The following PCYT1B variants were observed in gnomAD, a reference collection of about 807,000 sequenced individuals.
PCYT1B encodes phosphate cytidylyltransferase 1B, choline.
PCYT1B carries 10 observed loss-of-function variants against 26.4 expected under a neutral mutation model. The observed-to-expected ratio is 0.38, with a 90% CI of 0.23 to 0.64. The LOEUF (loss-of-function observed/expected upper bound fraction) is 0.64, where lower values mean the gene tolerates loss of function less well. PCYT1B is among the 30% of genes least tolerant of loss of function. The pLI is 0.56. For synonymous variants in PCYT1B, 131 were observed against 108.4 expected, an observed-to-expected ratio of 1.21 and a Z score of -1.29; for missense variants, 161 against 292.7, an observed-to-expected ratio of 0.55 and a Z score of 3.28.
At chrX:24,640,722 T>G (rs1317979000) in intron 1 of PCYT1B, among the ~76,000 whole-genome samples, 1 of 110,710 alleles carries the variant, frequency 9.0e-6, no homozygotes, top group South Asian at 3.8e-4. Flanking sequence ...CTGCCTCAAT[T>G]TCACTTCCAT....
chrX:24,598,509 A>T (rs1207570649), intron 3 of PCYT1B, among the ~76,000 whole-genome samples: 4 of 110,299 alleles, frequency 3.6e-5, no homozygotes, highest in Non-Finnish European at 7.6e-5. Flanking sequence ...ACACACACAC[A>T]CTCACACACA....
At chrX:24,602,449 G>T (rs758800143) in intron 3 of PCYT1B, among the ~76,000 whole-genome samples, 7 of 111,264 alleles carry the variant, frequency 6.3e-5, no homozygotes, top group Non-Finnish European at 1.1e-4. Context: ...CTATGAGTTT[G>T]GACAATGTAA....
chrX:24,663,772 G>A (rs2148281330), intron 1 of PCYT1B, among the ~76,000 whole-genome samples: 1 of 110,984 alleles, frequency 9.0e-6, no homozygotes, highest in Non-Finnish European at 1.9e-5. Context: ...ACAAAAACTA[G>A]CCACTGCGTG....
At chrX:24,632,721 G>A (rs1452406995) in intron 1 of PCYT1B, 1 of 112,122 alleles carries the variant, frequency 8.9e-6, no homozygotes, top group African/African-American at 3.3e-5. Flanking sequence ...TCATATGGAG[G>A]TAGAGAGTGG....
At chrX:24,621,874 GGT>G in intron 1 of PCYT1B, 1 of 722,074 alleles carries the variant, frequency 1.4e-6, no homozygotes, top group Non-Finnish European at 1.6e-6. Context: ...TGTTCTTGAT[GGT>G]GTGAAATCTG....
intron 1 of PCYT1B, among the ~76,000 whole-genome samples, chrX:24,639,551 C>T (rs1419380418): frequency 9.0e-6 from 1 of 111,433 alleles, no homozygotes; most frequent in Non-Finnish European, 1.9e-5. Flanking sequence ...TTCCACTTCT[C>T]CCTACCCACA....
At chrX:24,655,969 A>G (rs1459079595) in intron 1 of PCYT1B, among the ~76,000 whole-genome samples, 2 of 104,496 alleles carry the variant, frequency 1.9e-5, no homozygotes, top group African/African-American at 3.5e-5. Context: ...AATACAAAAA[A>G]AAAAAAAAAA....
intron 2 of PCYT1B, among the ~76,000 whole-genome samples, chrX:24,615,095 C>T (rs1390480911): frequency 8.9e-6 from 1 of 112,242 alleles, no homozygotes; most frequent in Non-Finnish European, 1.9e-5. Context: ...GCTGGGATTA[C>T]AGGCATGAGC....
chrX:24,596,115 A>G (rs765574956), intron 3 of PCYT1B, among the ~76,000 whole-genome samples: 41 of 112,076 alleles, frequency 3.7e-4, no homozygotes, highest in African/African-American at 1.3e-3. Context: ...AGGGAAAAAA[A>G]CACACTAGTA....
chrX:24,567,386 G>C (rs187449835), intron 7 of PCYT1B, among the ~76,000 whole-genome samples: 75 of 112,258 alleles, frequency 6.7e-4, no homozygotes, highest in African/African-American at 2.2e-3. Context: ...CATTTTGAAG[G>C]GTGGTTCCCT....
At chrX:24,577,215 T>A (rs1394733098) in intron 6 of PCYT1B, among the ~76,000 whole-genome samples, 1 of 111,382 alleles carries the variant, frequency 9.0e-6, no homozygotes, top group African/African-American at 3.3e-5. Flanking sequence ...CCTCTGAGGT[T>A]CCGTGATTTG....
At chrX:24,670,048 A>AAAAGAAAGAGAGAAAGAAAG (rs1927207322) in intron 1 of PCYT1B, among the ~76,000 whole-genome samples, 1 of 58,050 alleles carries the variant, frequency 1.7e-5, no homozygotes, top group African/African-American at 6.1e-5. Flanking sequence ...GTCTCAAAAA[A>AAAAGAAAGAGAGAAAGAAAG]AAAGAAAGAA....
intron 2 of PCYT1B, among the ~76,000 whole-genome samples, chrX:24,617,379 TTTTG>T (rs1223464795): frequency 9.4e-6 from 1 of 106,401 alleles, no homozygotes; most frequent in Non-Finnish European, 1.9e-5. Flanking sequence ...TTGTTTTTTT[TTTTG>T]TTTGTTTTCT....
chrX:24,560,887 T>G lies in PCYT1B; in HGVS notation c.*1406A>C, dbSNP rs747203972. 3 of 111,934 alleles carry G rather than the reference T, an allele frequency of 2.7e-5. No homozygotes were observed. The East Asian group carries it at 8.4e-4, about 31-fold the overall frequency. The allele number at this position is 111,934 out of a possible 1,213,427, so 9.2% of individuals were successfully genotyped here. On this transcript the variant is annotated 3_prime_UTR_variant, in exon 8 of 8. Coordinates refer to ENST00000379144, the MANE Select transcript of PCYT1B (RefSeq NM_004845.5). Reference sequence around the variant, plus strand: ...GGTTCTATGCCTTAACTCTCCCTGCTCATTTCGCACAGGTGACTAAGGAGC... The same window carrying G: ...GGTTCTATGCCTTAACTCTCCCTGCGCATTTCGCACAGGTGACTAAGGAGC...
chrX:24,665,044 A>G (rs1927099909), intron 1 of PCYT1B, among the ~76,000 whole-genome samples: 1 of 111,798 alleles, frequency 8.9e-6, no homozygotes, highest in African/African-American at 3.2e-5. Flanking sequence ...AAAAACACCT[A>G]GGATTCCATA....
intron 2 of PCYT1B, among the ~76,000 whole-genome samples, chrX:24,615,585 C>T (rs1236243790): frequency 9.1e-6 from 1 of 110,212 alleles, no homozygotes; most frequent in Non-Finnish European, 1.9e-5. Context: ...CTGCCTCAGC[C>T]TCCCAAGTAG....
rs1372978458 is a variant in PCYT1B, at chrX:24,561,579, GA to G, written c.*713del. ...ATTAAGGTAATTTCTGCAAAACAATGAAGTCAAACCAGTGATGAGAAAGTAC... is the reference window on the plus strand; with the variant it reads ...ATTAAGGTAATTTCTGCAAAACAATGAGTCAAACCAGTGATGAGAAAGTAC... On this transcript the variant is annotated 3_prime_UTR_variant, in exon 8 of 8. Coordinates refer to ENST00000379144, the MANE Select transcript of PCYT1B (RefSeq NM_004845.5). 2 of 112,932 alleles carry G rather than the reference GA, an allele frequency of 1.8e-5. No homozygotes were observed. Among genetic ancestry groups the G allele is most frequent in the Non-Finnish European group, 3.7e-5 (2 of 53,815 alleles). 9.3% of individuals were successfully genotyped at this position (112,932 alleles called of 1,213,427 possible).
At position 24,618,973 on chromosome X, in the gene PCYT1B, G is replaced by A. The variant is rs1202277591; in HGVS notation, c.217+12C>T. ...GACAGGGCCCATTTAAGACAAAGAAGTACAGCCTCACCTGGTGTTCCTAAG... is the reference window on the plus strand; with the variant it reads ...GACAGGGCCCATTTAAGACAAAGAAATACAGCCTCACCTGGTGTTCCTAAG... On this transcript the variant is annotated intron_variant, in intron 2 of 7. Coordinates refer to ENST00000379144, the MANE Select transcript of PCYT1B (RefSeq NM_004845.5). The A allele has an allele frequency of 1.9e-6, 2 of 1,076,769 alleles. No homozygotes were observed. The highest frequency in any genetic ancestry group is 5.7e-5 in the Admixed American group (2 of 35,125). 88.7% of individuals were successfully genotyped at this position (1,076,769 alleles called of 1,213,427 possible).
intron 1 of PCYT1B, among the ~76,000 whole-genome samples, chrX:24,620,523 G>A (rs1226442311): frequency 1.8e-5 from 2 of 112,150 alleles, no homozygotes; most frequent in Admixed American, 9.4e-5. Context: ...ACATTATGGC[G>A]ACCTCATAGG....
Sources: allele counts gnomAD v4.1 joint callset (sites outside exome capture counted in the v4.1 genomes callset), GRCh38; gene constraint gnomAD v4.1.1; transcripts MANE v1.5; gene names NCBI Gene and HGNC (gene_info 2026-07-23, HGNC 2026-07-21).